The following PRELID2 variants were observed in gnomAD, a reference collection of about 807,000 sequenced individuals.
PRELID2 encodes PRELI domain containing 2.
PRELID2 carries 25 observed loss-of-function variants against 28.4 expected under a neutral mutation model. The ratio of observed to expected loss-of-function variants is 0.88; its 90% CI spans 0.64 to 1.23. The LOEUF (loss-of-function observed/expected upper bound fraction) is 1.23, where lower values mean the gene tolerates loss of function less well. PRELID2 is among the 50% of genes most tolerant of loss of function. The pLI is 0.00. For synonymous variants in PRELID2, 76 were observed against 71.6 expected (o/e 1.06, Z -0.31); for missense variants, 201 against 214.4 (o/e 0.94, Z 0.39).
At chr5:145,812,038 G>A (rs1753982068) in intron 4 of PRELID2, among the ~76,000 whole-genome samples, 1 of 152,188 alleles carries the variant, frequency 6.6e-6, no homozygotes, top group Admixed American at 6.5e-5. Flanking sequence ...TCCAAGGGCA[G>A]ATCTTGACTG....
At chr5:145,546,227 G>GA (rs35937823) in intron 1 of PRELID2, among the ~76,000 whole-genome samples, 18 of 151,752 alleles carry the variant, frequency 1.2e-4, no homozygotes, top group East Asian at 7.7e-4. Flanking sequence ...AGGAGCAAGA[G>GA]AAAAAAATGA....
chr5:145,573,405 T>C (rs750484017), intron 1 of PRELID2, among the ~76,000 whole-genome samples: 8 of 152,074 alleles, frequency 5.3e-5, no homozygotes, highest in Non-Finnish European at 1.2e-4. Flanking sequence ...TAGGTATACA[T>C]GTGCTATGGT....
chr5:145,537,370 C>T (rs1752707905), intron 1 of PRELID2, among the ~76,000 whole-genome samples: 1 of 151,840 alleles, frequency 6.6e-6, no homozygotes. Flanking sequence ...TATGGTAGTT[C>T]TATTTTTGAT....
the PRELID2 span, among the ~76,000 whole-genome samples, chr5:145,271,247 T>A: frequency 2.6e-3 from 398 of 152,006 alleles, 2 homozygotes; most frequent in Middle Eastern, 0.01. Flanking sequence ...TTATATATAT[T>A]TTTTTTGAGT....
At chr5:145,269,723 G>C in the PRELID2 span, among the ~76,000 whole-genome samples, 1 of 150,108 alleles carries the variant, frequency 6.7e-6, no homozygotes, top group African/African-American at 2.4e-5. Context: ...TATATATATA[G>C]TTTGTATATA....
At chr5:145,774,721 G>C (rs930880288) in intron 5 of PRELID2, among the ~76,000 whole-genome samples, 3 of 152,126 alleles carry the variant, frequency 2.0e-5, no homozygotes, top group Non-Finnish European at 4.4e-5. Flanking sequence ...AGGCCCAGCA[G>C]GGTAAACCAG....
chr5:145,575,546 T>C (rs951447700), intron 1 of PRELID2, among the ~76,000 whole-genome samples: 2 of 152,182 alleles, frequency 1.3e-5, no homozygotes, highest in African/African-American at 4.8e-5. Flanking sequence ...AGTTTCCTCT[T>C]TCAAGACTTA....
the PRELID2 span, among the ~76,000 whole-genome samples, chr5:145,378,781 T>C: frequency 6.6e-6 from 1 of 152,188 alleles, no homozygotes; most frequent in Non-Finnish European, 1.5e-5. Flanking sequence ...TGAATTCTAT[T>C]TCTGTCATTT....
At chr5:145,253,175 A>G in the PRELID2 span, among the ~76,000 whole-genome samples, 1 of 152,134 alleles carries the variant, frequency 6.6e-6, no homozygotes, top group Non-Finnish European at 1.5e-5. Flanking sequence ...CTGGAATGCT[A>G]GTAAAGGAAT....
intron 1 of PRELID2, among the ~76,000 whole-genome samples, chr5:145,546,757 A>G (rs1193368968): frequency 6.6e-6 from 1 of 152,180 alleles, no homozygotes; most frequent in African/African-American, 2.4e-5. Context: ...GAATATCTTT[A>G]TCTCAGCTAT....
intron 1 of PRELID2, among the ~76,000 whole-genome samples, chr5:145,828,677 T>C (rs1755367284): frequency 6.6e-6 from 1 of 152,160 alleles, no homozygotes; most frequent in Non-Finnish European, 1.5e-5. Flanking sequence ...CATGGATTTA[T>C]AATTAAAATA....
chr5:145,784,810 T>A, intron 5 of PRELID2, among the ~76,000 whole-genome samples: 1 of 150,116 alleles, frequency 6.7e-6, no homozygotes. Context: ...TAAAAAAACA[T>A]ACATATACAT....
At chr5:145,715,174 C>T (rs964296101) in intron 1 of PRELID2, among the ~76,000 whole-genome samples, 4 of 152,058 alleles carry the variant, frequency 2.6e-5, no homozygotes, top group African/African-American at 9.7e-5. Flanking sequence ...CAAAACAGAA[C>T]TTTTCTATTC....
the PRELID2 span, among the ~76,000 whole-genome samples, chr5:145,435,312 T>C: frequency 6.6e-6 from 1 of 152,038 alleles, no homozygotes; most frequent in African/African-American, 2.4e-5. Flanking sequence ...AGCTGACTCA[T>C]AAGGGAAGGA....
chr5:145,455,332 T>C, the PRELID2 span, among the ~76,000 whole-genome samples: 1 of 152,210 alleles, frequency 6.6e-6, no homozygotes, highest in Non-Finnish European at 1.5e-5. Flanking sequence ...TTGGTACCGG[T>C]ACCATGCTGT....
the PRELID2 span, among the ~76,000 whole-genome samples, chr5:145,284,514 A>G: frequency 5.9e-5 from 9 of 151,974 alleles, no homozygotes; most frequent in African/African-American, 2.2e-4. Context: ...TTTTTTTTCT[A>G]TTATTTTATT....
chr5:145,338,199 T>C, the PRELID2 span: 1 of 152,192 alleles, frequency 6.6e-6, no homozygotes, highest in Non-Finnish European at 1.5e-5. Context: ...TCATATTAGC[T>C]TACCCCATTA....
At chr5:145,254,703 G>A in the PRELID2 span, among the ~76,000 whole-genome samples, 4 of 151,996 alleles carry the variant, frequency 2.6e-5, no homozygotes, top group Non-Finnish European at 5.9e-5. Context: ...AACTTACTGA[G>A]GTATAAGGGT....
At chr5:145,483,824 T>A (rs1752188566) in intron 1 of PRELID2, among the ~76,000 whole-genome samples, 1 of 152,222 alleles carries the variant, frequency 6.6e-6, no homozygotes, top group Non-Finnish European at 1.5e-5. Flanking sequence ...GCTTAACATA[T>A]AAAAGCCATT....
Sources: gnomAD v4.1 joint callset for allele counts (sites outside exome capture counted in the v4.1 genomes callset) on GRCh38, gnomAD v4.1.1 for gene constraint, MANE v1.5 for transcripts, NCBI Gene and HGNC (gene_info 2026-07-23, HGNC 2026-07-21) for gene names.